The following MLIP variants were observed in gnomAD, a reference collection of about 807,000 sequenced individuals.
MLIP encodes muscular LMNA-interacting protein.
MLIP carries 79 observed loss-of-function variants against 84.8 expected under a neutral mutation model. That is an observed-to-expected ratio of 0.93 (90% CI 0.78 to 1.12). MLIP has a LOEUF of 1.12. MLIP is among the 50% of genes most tolerant of loss of function. The pLI is 0.00. For missense variants in MLIP, 1,257 were observed against 1,160.6 expected, an observed-to-expected ratio of 1.08 and a Z score of -1.21; for synonymous variants, 504 against 463.0, an observed-to-expected ratio of 1.09 and a Z score of -1.14.
intron 10 of MLIP, among the ~76,000 whole-genome samples, chr6:54,201,196 A>T (rs570890839): frequency 6.6e-6 from 1 of 152,214 alleles, no homozygotes; most frequent in Non-Finnish European, 1.5e-5. Flanking sequence ...TCAAATCGAC[A>T]CTGGGTACAA....
Position 54,124,586 on chromosome 6 carries a change from C to G in MLIP, c.366C>G (p.Phe122Leu). ...GAACGATTTTACAAGAAAGGGAATT[C>G]GAAGCAAACAAACTTCAAGGGATGC... is the stretch of plus-strand genomic sequence containing the variant. Reference protein sequence around the residue: ...VSGTILQEREFEANKLQGMQQ... With the variant: ...VSGTILQERELEANKLQGMQQ... Residue 122 changes from phenylalanine to leucine, a missense_variant, in exon 3 of 14, where the codon TTC (phenylalanine) becomes TTG (leucine). Phe to Leu is a conservative substitution (Grantham distance 22). Transcript: ENST00000502396. The G allele has an allele frequency of 6.2e-7, 1 of 1,614,150 alleles. No homozygotes were observed. The highest frequency in any genetic ancestry group is 8.5e-7 in the Non-Finnish European group (1 of 1,180,032).
intron 4 of MLIP, among the ~76,000 whole-genome samples, chr6:54,144,746 A>G (rs1022919333): frequency 1.3e-5 from 2 of 152,228 alleles, no homozygotes; most frequent in African/African-American, 4.8e-5. Flanking sequence ...CTTAAAGTGT[A>G]ACTGTGAGTC....
chr6:54,181,607 C>T (rs950462596), intron 9 of MLIP, among the ~76,000 whole-genome samples: 10 of 152,212 alleles, frequency 6.6e-5, no homozygotes, highest in Admixed American at 2.6e-4. Flanking sequence ...ATAGCCACCA[C>T]AGCTGAGAAC....
chr6:54,213,731 A>ACAAC lies in MLIP; in HGVS notation c.2718+11498_2718+11499insCAAC, dbSNP rs5876369. On this transcript the variant is annotated intron_variant, in intron 11 of 13. Coordinates refer to ENST00000502396, the MANE Select transcript of MLIP (RefSeq NM_001281747.2). ...TCAAAAAAAAAAAAAAAAAAAAAAA[A>ACAAC]AAAAACAACAAACAGCATATCTTGT... Among the ~76,000 whole-genome samples, 27 of 110,702 alleles carry ACAAC rather than the reference A, an allele frequency of 2.4e-4. 2 individuals are homozygous for ACAAC. The highest frequency in any genetic ancestry group is 8.9e-4 in the African/African-American group (27 of 30,426). 72.6% of individuals were successfully genotyped at this position (110,702 alleles called of 152,430 possible). A position where few individuals can be genotyped will look rare whatever the true frequency, so the allele number is the denominator to read the frequency against.
chr6:54,025,097 C>T (rs554583761), intron 1 of MLIP, among the ~76,000 whole-genome samples: 3 of 152,024 alleles, frequency 2.0e-5, no homozygotes, highest in African/African-American at 7.2e-5. Flanking sequence ...ACTCTGCCCG[C>T]CTCGGCCTCT....
chr6:54,029,095 C>T (rs548007598), intron 1 of MLIP: 1 of 152,062 alleles, frequency 6.6e-6, no homozygotes, highest in Non-Finnish European at 1.5e-5. Context: ...TGATCTTGAC[C>T]CAGAAGCCCC....
intron 1 of MLIP, among the ~76,000 whole-genome samples, chr6:54,072,687 A>G (rs1418967008): frequency 1.1e-4 from 16 of 152,266 alleles, no homozygotes; most frequent in Admixed American, 5.9e-4. Flanking sequence ...TGTGATTTAC[A>G]ATGAGTTGCC....
chr6:54,085,787 A>G (rs1426756616), intron 1 of MLIP, among the ~76,000 whole-genome samples: 1 of 152,152 alleles, frequency 6.6e-6, no homozygotes, highest in Admixed American at 6.5e-5. Context: ...TCATTTTCCT[A>G]CATGAATAGT....
chr6:54,163,533 A>G (rs942868282), intron 8 of MLIP, among the ~76,000 whole-genome samples: 1 of 151,974 alleles, frequency 6.6e-6, no homozygotes, highest in Non-Finnish European at 1.5e-5. Flanking sequence ...TGGTAGTTAC[A>G]TATACATTAT....
At chr6:54,231,417 A>G (rs1780990502) in intron 12 of MLIP, among the ~76,000 whole-genome samples, 1 of 152,128 alleles carries the variant, frequency 6.6e-6, no homozygotes, top group Non-Finnish European at 1.5e-5. Context: ...GTGTATAGTA[A>G]CGCGATGTGT....
intron 11 of MLIP, among the ~76,000 whole-genome samples, chr6:54,225,747 CCAT>C (rs1242729025): frequency 6.6e-6 from 1 of 152,110 alleles, no homozygotes; most frequent in Non-Finnish European, 1.5e-5. Context: ...ACTTTAAGTG[CCAT>C]CTTTATTAAA....
chr6:54,257,877 C>A (rs567960249), intron 13 of MLIP, among the ~76,000 whole-genome samples: 1 of 152,142 alleles, frequency 6.6e-6, no homozygotes, highest in Non-Finnish European at 1.5e-5. Flanking sequence ...ATCATAGCCT[C>A]TACATTTCAT....
chr6:54,127,427 A>C (rs529707058), intron 3 of MLIP, among the ~76,000 whole-genome samples: 2 of 152,294 alleles, frequency 1.3e-5, no homozygotes, highest in South Asian at 4.1e-4. Flanking sequence ...AAAAGATTGC[A>C]TATCTTTTCA....
chr6:54,266,186 C>T lies in MLIP; in HGVS notation c.*231C>T. On this transcript the variant is annotated 3_prime_UTR_variant, in exon 14 of 14. Coordinates refer to ENST00000502396, the MANE Select transcript of MLIP (RefSeq NM_001281747.2). Reference sequence around the variant, plus strand: ...ACAGCTTTTTGCACCACTGTTCTAGCCTTTAATGCCTTCTACTTAATATTA... The same window carrying T: ...ACAGCTTTTTGCACCACTGTTCTAGTCTTTAATGCCTTCTACTTAATATTA... The T allele has an allele frequency of 1.9e-6, 1 of 537,222 alleles. No homozygotes were observed. The allele number at this position is 537,222 out of a possible 1,614,324, so 33.3% of individuals were successfully genotyped here.
chr6:54,048,973 G>A (rs1472887253), intron 1 of MLIP, among the ~76,000 whole-genome samples: 1 of 152,194 alleles, frequency 6.6e-6, no homozygotes, highest in Non-Finnish European at 1.5e-5. Context: ...TGGCACACTT[G>A]AGATAAAAAT....
intron 9 of MLIP, among the ~76,000 whole-genome samples, chr6:54,180,443 C>T (rs1006460931): frequency 4.6e-5 from 7 of 152,124 alleles, no homozygotes; most frequent in African/African-American, 1.7e-4. Context: ...CTTTCTCTAC[C>T]TCATCTTCAA....
chr6:54,102,768 C>T (rs1768747344), intron 1 of MLIP, among the ~76,000 whole-genome samples: 2 of 152,100 alleles, frequency 1.3e-5, no homozygotes, highest in African/African-American at 4.8e-5. Context: ...GCTGGGGATA[C>T]AGCAGGAAAC....
At position 54,137,669 on chromosome 6, in the gene MLIP, A is replaced by C; in HGVS notation, c.1600A>C (p.Asn534His). Residue 534 changes from asparagine (N) to histidine (H), a missense_variant, in exon 4 of 14, where the codon AAT becomes CAT. Asn to His is a moderately conservative substitution (Grantham distance 68). Transcript: ENST00000502396. ...AACACCATCACCTACTTTGAAGAGC[A>C]ATACCATGCTCTCCCTGCTACAAAC... ...ERTPSPTLKS[N>H]TMLSLLQTST... 2.6e-6 allele frequency: 4 copies of C among 1,536,074 alleles called. No individual in the cohort carries two copies. The highest frequency in any genetic ancestry group is 3.5e-6 in the Non-Finnish European group (4 of 1,146,884).
At chr6:54,117,589 G>A (rs978517547) in intron 1 of MLIP, among the ~76,000 whole-genome samples, 3 of 151,866 alleles carry the variant, frequency 2.0e-5, no homozygotes, top group Non-Finnish European at 4.4e-5. Flanking sequence ...GAGATAAAAG[G>A]CATCCAATTT....
Sources: allele counts gnomAD v4.1 joint callset (sites outside exome capture counted in the v4.1 genomes callset), GRCh38; gene constraint gnomAD v4.1.1; transcripts MANE v1.5; gene names NCBI Gene and HGNC (gene_info 2026-07-23, HGNC 2026-07-21).